GNAS-AS1: variants seen among roughly 807,000 people sequenced by gnomAD.
The protein encoded by GNAS-AS1 is GNAS antisense RNA 1.
At chr20:58,830,435 CATCATT>C in intron 4 of GNAS-AS1, among the ~76,000 whole-genome samples, 2 of 135,992 alleles carry the variant, frequency 1.5e-5, no homozygotes, top group Non-Finnish European at 3.2e-5. Context: ...GCCACACCAC[CATCATT>C]ACCACCACCA....
At chr20:58,837,417 A>C (rs914252182) in intron 4 of GNAS-AS1, among the ~76,000 whole-genome samples, 1 of 152,196 alleles carries the variant, frequency 6.6e-6, no homozygotes, top group African/African-American at 2.4e-5. Context: ...GGCACCTGTG[A>C]TAATAAAACC....
rs1339739956 is a variant in GNAS-AS1 at position 58,840,077 on chromosome 20, A to C, written n.819+1860T>G. ...GCCACTCTCTGCAGAGCCAGAGGGC[A>C]GGCCGGCTTCTCGGTGTGTGCCTAA... On this transcript the variant is annotated intron_variant and non_coding_transcript_variant, in intron 4 of 4. Transcript: ENST00000424094. This position sits in a 1 kb window ranked among gnomAD's most constrained non-coding sequence, Gnocchi z 6.0. 3 of 1,607,336 alleles carry C rather than the reference A, an allele frequency of 1.9e-6. No homozygotes were observed. The Admixed American group carries it at 5.0e-5, about 27-fold the overall frequency.
At chr20:58,839,893 A>T (rs370380052) in intron 4 of GNAS-AS1, 1 of 600,674 alleles carries the variant, frequency 1.7e-6, no homozygotes, top group East Asian at 2.8e-5. Context: ...TTGCTCAGAG[A>T]GGCAAGCAAG....
In GNAS-AS1 at chr20:58,841,519, A is replaced by C. The variant is rs1008592347; in HGVS notation, n.819+418T>G. The C allele has an allele frequency of 1.9e-5, 19 of 992,932 alleles. No individual in the cohort carries two copies. Among genetic ancestry groups the C allele is most frequent in the Non-Finnish European group, 2.3e-5 (19 of 835,428 alleles). The allele number at this position is 992,932 out of a possible 1,614,324, so 61.5% of individuals were successfully genotyped here. A position where few individuals can be genotyped will look rare whatever the true frequency, so the allele number is the denominator to read the frequency against. On this transcript the variant is annotated intron_variant and non_coding_transcript_variant, in intron 4 of 4. Transcript: ENST00000424094. This position sits in a 1 kb window ranked among gnomAD's most constrained non-coding sequence, Gnocchi z 5.0. Reference sequence around the variant, plus strand: ...AATTAAGCCGCGGGACCTCCGCGCCAGTGCCTCCAGCTGCCGTGCGCCAGC... The same window carrying C: ...AATTAAGCCGCGGGACCTCCGCGCCCGTGCCTCCAGCTGCCGTGCGCCAGC...
chr20:58,831,604 C>G (rs372300487), intron 4 of GNAS-AS1, among the ~76,000 whole-genome samples: 2 of 152,068 alleles, frequency 1.3e-5, no homozygotes, highest in East Asian at 3.9e-4. Flanking sequence ...GCATTCCAGT[C>G]TGGGCGATAG....
chr20:58,830,510 T>TCATCACCACCACCAC (rs1568900525), intron 4 of GNAS-AS1, among the ~76,000 whole-genome samples: 2 of 32,744 alleles, frequency 6.1e-5, no homozygotes, highest in South Asian at 1.1e-3. Flanking sequence ...CACACCACCA[T>TCATCACCACCACCAC]CATCACCACC....
At chr20:58,821,157 C>G (rs1046629801) in intron 4 of GNAS-AS1, among the ~76,000 whole-genome samples, 1 of 152,250 alleles carries the variant, frequency 6.6e-6, no homozygotes, top group Non-Finnish European at 1.5e-5. Context: ...GCCTCCTCAG[C>G]TACCCCAGCT....
intron 4 of GNAS-AS1, among the ~76,000 whole-genome samples, chr20:58,831,192 T>C (rs1802255432): frequency 1.3e-5 from 2 of 152,142 alleles, no homozygotes; most frequent in Admixed American, 1.3e-4. Flanking sequence ...GGACATCGAA[T>C]TGGAGGTTCC....
intron 4 of GNAS-AS1, chr20:58,834,619 G>A (rs1053434589): frequency 3.9e-5 from 6 of 152,198 alleles, no homozygotes; most frequent in Non-Finnish European, 8.8e-5. Flanking sequence ...CCTGAGCAAG[G>A]GGGCTTCTAG....
rs1479482321 is a variant in GNAS-AS1, at chr20:58,830,748, G to A, written n.819+11189C>T. On this transcript the variant is annotated intron_variant and non_coding_transcript_variant, in intron 4 of 4. Transcript: ENST00000424094. ...CACCATCATAACCAGCACCATCACC[G>A]CCACCAGGCATAGTCACTGGTCAGC... Among the ~76,000 whole-genome samples the A allele has an allele frequency of 6.7e-5, 10 of 148,718 alleles. No homozygotes were observed. The South Asian group carries it at 1.1e-3, about 17-fold the overall frequency.
At chr20:58,838,213 A>C (rs1600650559) in intron 4 of GNAS-AS1, among the ~76,000 whole-genome samples, 3 of 152,318 alleles carry the variant, frequency 2.0e-5, no homozygotes, top group African/African-American at 7.2e-5. Context: ...ATGGAGGGCC[A>C]GACTGAAGAC....
At chr20:58,850,594 C>T (rs956495397) in exon 1 of GNAS-AS1, 1 of 398,862 alleles carries the variant, frequency 2.5e-6, no homozygotes, top group Non-Finnish European at 4.4e-6. Context: ...GGCTGCTCCT[C>T]GCAGTAAGCC....
intron 4 of GNAS-AS1, among the ~76,000 whole-genome samples, chr20:58,820,791 C>T (rs1295162166): frequency 1.3e-5 from 2 of 152,226 alleles, no homozygotes; most frequent in African/African-American, 2.4e-5. Context: ...CATCAGATCT[C>T]ATGAGACTCG....
chr20:58,824,126 A>G, intron 4 of GNAS-AS1: 1 of 398,636 alleles, frequency 2.5e-6, no homozygotes, highest in Admixed American at 4.4e-5. Context: ...CCACAAATCC[A>G]GAAGAGAAGA....
rs1287173133 is a variant in GNAS-AS1, at chr20:58,840,316, C to T, written n.819+1621G>A. 6 of 1,612,830 alleles carry T rather than the reference C, an allele frequency of 3.7e-6. No individual in the cohort carries two copies. The East Asian group carries it at 8.9e-5, about 24-fold the overall frequency. Reference sequence around the variant, plus strand: ...GGAGCTTCCTTAACGCCCACCACCGCTCCGGCGCCCAGGTATTCCCTGAGT... The same window carrying T: ...GGAGCTTCCTTAACGCCCACCACCGTTCCGGCGCCCAGGTATTCCCTGAGT... On this transcript the variant is annotated intron_variant and non_coding_transcript_variant, in intron 4 of 4. Transcript: ENST00000424094. The surrounding 1 kb of genome is among the most constrained non-coding windows in gnomAD (Gnocchi z 6.0).
chr20:58,842,075 C>T, exon 4 of GNAS-AS1: 3 of 414,950 alleles, frequency 7.2e-6, no homozygotes, highest in Non-Finnish European at 1.2e-5. Context: ...GGCGAGGCGG[C>T]GTGCTCCGGC....
chr20:58,825,178 C>T (rs1454616606), intron 4 of GNAS-AS1, among the ~76,000 whole-genome samples: 4 of 152,228 alleles, frequency 2.6e-5, no homozygotes, highest in African/African-American at 4.8e-5. Context: ...AATTTAGCCC[C>T]GTTGAAACTC....
chr20:58,819,138 T>A (rs1247753329), exon 5 of GNAS-AS1: 1 of 398,464 alleles, frequency 2.5e-6, no homozygotes, highest in Admixed American at 4.4e-5. Flanking sequence ...TTAACTCCCA[T>A]CTAGAAGAGG....
At position 58,840,002 on chromosome 20, in the gene GNAS-AS1, C is replaced by A; in HGVS notation, n.819+1935G>T. On this transcript the variant is annotated intron_variant and non_coding_transcript_variant, in intron 4 of 4. Coordinates refer to ENST00000424094, the Ensembl canonical transcript of GNAS-AS1. The surrounding 1 kb of genome is among the most constrained non-coding windows in gnomAD (Gnocchi z 6.0). ...GGCTGGGACCTCCGGGCCAGCTTCT[C>A]ACCTCATAGGGTGTACCTTTCCCGG... The A allele has an allele frequency of 7.6e-7, 1 of 1,313,726 alleles. No individual in the cohort carries two copies. The highest frequency in any genetic ancestry group is 1.1e-6 in the Non-Finnish European group (1 of 931,826). The allele number at this position is 1,313,726 out of a possible 1,614,324, so 81.4% of individuals were successfully genotyped here.
Sources: allele counts gnomAD v4.1 joint callset (sites outside exome capture counted in the v4.1 genomes callset), GRCh38; gene constraint gnomAD v4.1.1; non-coding constraint Gnocchi (gnomAD v3.1); transcripts MANE v1.5; gene names NCBI Gene and HGNC (gene_info 2026-07-23, HGNC 2026-07-21).